Variants in WWOX observed in about 807,000 individuals in gnomAD.
The protein encoded by WWOX is WW domain-containing oxidoreductase.
WWOX carries 69 observed loss-of-function variants against 46.2 expected under a neutral mutation model. The observed-to-expected ratio is 1.49, with a 90% CI of 1.23 to 1.82. The LOEUF is 1.82. WWOX is among the 40% of genes most tolerant of loss of function. The pLI is 0.00. For synonymous variants in WWOX, 359 were observed against 202.6 expected (o/e 1.77, Z -6.56); for missense variants, 919 against 542.6 (o/e 1.69, Z -6.89).
At chr16:78,688,490 T>G (rs7195845) in intron 8 of WWOX, among the ~76,000 whole-genome samples, 1 of 151,726 alleles carries the variant, frequency 6.6e-6, no homozygotes, top group Non-Finnish European at 1.5e-5. Flanking sequence ...ATTGAGAGAA[T>G]AGAAACTTTT....
Position 78,774,274 on chromosome 16 carries a change from G to A in WWOX, c.1056+341522G>A, listed in dbSNP as rs1373748185. Among the ~76,000 whole-genome samples, 6 of 152,232 alleles carry A rather than the reference G, an allele frequency of 3.9e-5. 2 individuals are homozygous for A. The highest frequency in any genetic ancestry group is 3.3e-4 in the Admixed American group (5 of 15,288). ...AAATTAGCTGGGCGTGGTAGCAGGC[G>A]CCTGTAATCCCAGCTACTCAGGAGG... is the stretch of plus-strand genomic sequence containing the variant. On this transcript the variant is annotated intron_variant, in intron 8 of 8. Transcript: ENST00000566780.
intron 8 of WWOX, among the ~76,000 whole-genome samples, chr16:78,887,793 G>A (rs567540183): frequency 1.3e-5 from 2 of 152,154 alleles, no homozygotes; most frequent in African/African-American, 4.8e-5. Context: ...CCACATTTGT[G>A]CAATTAAGAG....
chr16:79,120,667 G>A (rs1332861064), intron 8 of WWOX, among the ~76,000 whole-genome samples: 2 of 152,114 alleles, frequency 1.3e-5, no homozygotes, highest in Middle Eastern at 3.2e-3. Flanking sequence ...TTCAGGTCGC[G>A]GTAAGCATTC....
intron 8 of WWOX, among the ~76,000 whole-genome samples, chr16:79,097,836 G>C (rs369059857): frequency 6.6e-6 from 1 of 152,184 alleles, no homozygotes; most frequent in South Asian, 2.1e-4. Context: ...TCGCAGTTCA[G>C]ATCTGTTGAT....
chr16:78,229,697 T>C (rs907478195), intron 5 of WWOX, among the ~76,000 whole-genome samples: 3 of 152,074 alleles, frequency 2.0e-5, no homozygotes, highest in Non-Finnish European at 4.4e-5. Context: ...AGTTTCAGTG[T>C]TGGTAGCTCA....
At chr16:79,147,295 C>G (rs1026793322) in intron 8 of WWOX, among the ~76,000 whole-genome samples, 1 of 152,196 alleles carries the variant, frequency 6.6e-6, no homozygotes, top group South Asian at 2.1e-4. Flanking sequence ...CTAAACTGTT[C>G]TCCACTTTTA....
chr16:78,559,163 G>A (rs537181309), intron 8 of WWOX, among the ~76,000 whole-genome samples: 3 of 152,204 alleles, frequency 2.0e-5, no homozygotes, highest in African/African-American at 7.2e-5. Flanking sequence ...AGCAGTTACA[G>A]CAAGATTCTA....
intron 8 of WWOX, among the ~76,000 whole-genome samples, chr16:78,909,954 T>C (rs1340217625): frequency 6.6e-6 from 1 of 152,240 alleles, no homozygotes; most frequent in East Asian, 1.9e-4. Context: ...CTTCTCTCCC[T>C]GGTACATAAA....
chr16:78,567,552 CAA>C (rs71272440), intron 8 of WWOX, among the ~76,000 whole-genome samples: 5 of 52,124 alleles, frequency 9.6e-5, no homozygotes, highest in Admixed American at 5.3e-4. Flanking sequence ...GACTCCGTCT[CAA>C]AAAAAAAAAA....
intron 8 of WWOX, among the ~76,000 whole-genome samples, chr16:78,451,049 T>C (rs909063475): frequency 6.6e-6 from 1 of 152,230 alleles, no homozygotes; most frequent in Non-Finnish European, 1.5e-5. Context: ...GTGGTTTGCT[T>C]TCCCGTTATA....
intron 8 of WWOX, among the ~76,000 whole-genome samples, chr16:79,172,962 A>G (rs1031375189): frequency 2.6e-5 from 4 of 152,196 alleles, no homozygotes; most frequent in Admixed American, 2.6e-4. Context: ...TCAAGGCTGC[A>G]GTGAACCATG....
chr16:78,917,532 G>C (rs1205257197), intron 8 of WWOX, among the ~76,000 whole-genome samples: 8 of 151,744 alleles, frequency 5.3e-5, no homozygotes, highest in African/African-American at 1.9e-4. Flanking sequence ...CAACAAAATG[G>C]TCTGTTGGAA....
rs200130934 is a variant in WWOX at position 78,389,877 on chromosome 16, G to C, written c.605+2929G>C. Among the ~76,000 whole-genome samples, 9 of 152,296 alleles carry C rather than the reference G, an allele frequency of 5.9e-5. No homozygotes were observed. The East Asian group carries it at 1.7e-3, about 29-fold the overall frequency. ...CGATTCTCATGCCTCATCCTCCAGAGTAGCTGGGATTACAGGTGCAGGTTA... is the reference window on the plus strand; with the variant it reads ...CGATTCTCATGCCTCATCCTCCAGACTAGCTGGGATTACAGGTGCAGGTTA... On this transcript the variant is annotated intron_variant, in intron 6 of 8. Transcript: ENST00000566780.
Position 78,755,674 on chromosome 16 carries a change from G to A in WWOX, c.1056+322922G>A, listed in dbSNP as rs529492648. 5.3e-5 allele frequency among the ~76,000 whole-genome samples: 8 copies of A among 152,264 alleles called. No homozygotes were observed. In the East Asian group the frequency reaches 1.5e-3, roughly 29 times the overall value. On this transcript the variant is annotated intron_variant, in intron 8 of 8. Coordinates refer to ENST00000566780, the MANE Select transcript of WWOX (RefSeq NM_016373.4). ...CTTGGTTGGGGAGAGGAAGCCTCAG[G>A]ACCCTGCACCAGGGCCATGTGACAA...
chr16:78,814,863 G>A lies in WWOX; in HGVS notation c.1056+382111G>A, dbSNP rs201264591. Among the ~76,000 whole-genome samples the A allele has an allele frequency of 2.0e-4, 30 of 152,286 alleles. 1 individual carries two copies. The East Asian group carries it at 3.9e-3, about 20-fold the overall frequency. Reference sequence around the variant, plus strand: ...TGCAAAACCACCCTTGGGCTCTCTCGCGTGCGGTCTGTGCACCAGCTACCT... The same window carrying A: ...TGCAAAACCACCCTTGGGCTCTCTCACGTGCGGTCTGTGCACCAGCTACCT... On this transcript the variant is annotated intron_variant, in intron 8 of 8. Coordinates refer to ENST00000566780, the MANE Select transcript of WWOX (RefSeq NM_016373.4).
chr16:79,019,378 C>T (rs867545717), intron 8 of WWOX, among the ~76,000 whole-genome samples: 2 of 152,076 alleles, frequency 1.3e-5, no homozygotes, highest in Middle Eastern at 3.4e-3. Context: ...TCTTAGCCTA[C>T]AAAGCTATGC....
intron 6 of WWOX, among the ~76,000 whole-genome samples, chr16:78,406,901 C>T (rs1347147797): frequency 6.6e-6 from 1 of 152,224 alleles, no homozygotes; most frequent in Non-Finnish European, 1.5e-5. Context: ...GCTGGGATTA[C>T]AGGCGTCAGC....
At chr16:78,775,246 A>G (rs185197235) in intron 8 of WWOX, among the ~76,000 whole-genome samples, 2 of 152,298 alleles carry the variant, frequency 1.3e-5, no homozygotes, top group Admixed American at 1.3e-4. Flanking sequence ...CCGGCCAATA[A>G]TATCACAAAA....
intron 8 of WWOX, among the ~76,000 whole-genome samples, chr16:78,433,861 C>G (rs927934120): frequency 2.9e-5 from 4 of 139,022 alleles, no homozygotes; most frequent in African/African-American, 5.3e-5. Flanking sequence ...GGGATCTCGG[C>G]TCACTGCAAG....
Sources: gnomAD v4.1 joint callset for allele counts (sites outside exome capture counted in the v4.1 genomes callset) on GRCh38, gnomAD v4.1.1 for gene constraint, MANE v1.5 for transcripts, NCBI Gene and HGNC (gene_info 2026-07-23, HGNC 2026-07-21) for gene names.